The following FRMD4A variants were observed in gnomAD, a reference collection of about 807,000 sequenced individuals.
FRMD4A encodes FERM domain containing 4A.
In FRMD4A, 29 loss-of-function variants were observed where a neutral mutation model predicts 129.1. The ratio of observed to expected loss-of-function variants is 0.22; its 90% CI spans 0.17 to 0.31. The LOEUF is 0.31. Ranked by LOEUF, FRMD4A falls within the 10% of genes least tolerant of loss-of-function variation. The pLI, the probability that FRMD4A is intolerant of heterozygous loss-of-function variation, is 1.00. For missense variants in FRMD4A, 1,272 were observed against 1,375.8 expected (o/e 0.92, Z 1.19); for synonymous variants, 634 against 571.6 (o/e 1.11, Z -1.56).
rs144014913 is a variant in FRMD4A, at chr10:13,796,567, C to G, written c.228G>C (p.Gln76His). The change falls in exon 5 of 25, where the codon CAG becomes CAC. Residue 76 changes from glutamine (Q) to histidine (H), a missense_variant. Physicochemically the swap from Gln to His is conservative, Grantham distance 24. Around this residue, in one of 2 missense-constraint regions of FRMD4A, gnomAD observed 300 missense variants for 483.6 expected, o/e 0.62. Coordinates refer to ENST00000357447, the MANE Select transcript of FRMD4A (RefSeq NM_018027.5). ...CATGTTCCAATACTCTTCGATCTAG[C>G]TGAAGCCAGTTTAAGTGTCCCCTGA... is the stretch of plus-strand genomic sequence containing the variant. ...TDETGHLNWLQLDRRVLEHDF... is the reference protein window; with the variant it reads ...TDETGHLNWLHLDRRVLEHDF... The G allele has an allele frequency of 6.9e-6, 11 of 1,598,696 alleles. No individual in the cohort carries two copies. The highest frequency in any genetic ancestry group is 2.7e-5 in the African/African-American group (2 of 74,610).
chr10:14,181,374 G>A (rs1055515205), intron 2 of FRMD4A, among the ~76,000 whole-genome samples: 3 of 152,092 alleles, frequency 2.0e-5, no homozygotes, highest in African/African-American at 2.4e-5. Context: ...GCCCCAGATC[G>A]CTGCCCCGTG....
chr10:13,725,107 T>C (rs536920742), intron 12 of FRMD4A, among the ~76,000 whole-genome samples: 1 of 152,354 alleles, frequency 6.6e-6, no homozygotes, highest in South Asian at 2.1e-4. Flanking sequence ...CTTGCTTTAT[T>C]TACCTTGTTT....
intron 8 of FRMD4A, among the ~76,000 whole-genome samples, chr10:13,754,879 C>T (rs1434003336): frequency 1.3e-5 from 2 of 152,142 alleles, no homozygotes; most frequent in Non-Finnish European, 2.9e-5. Flanking sequence ...ACCATATGAT[C>T]ATGCCAGCTG....
chr10:13,825,209 CTT>C (rs2093684135), intron 3 of FRMD4A, among the ~76,000 whole-genome samples: 1 of 152,208 alleles, frequency 6.6e-6, no homozygotes, highest in South Asian at 2.1e-4. Context: ...TACACTTGCA[CTT>C]TGAGGCCATT....
chr10:13,807,575 T>C (rs920771615), intron 4 of FRMD4A, among the ~76,000 whole-genome samples: 3 of 152,212 alleles, frequency 2.0e-5, no homozygotes, highest in East Asian at 1.9e-4. Flanking sequence ...ATATTAAACA[T>C]TCTTGGGCAT....
chr10:14,127,980 T>TTTCTCTCTCTC (rs1564319427), intron 2 of FRMD4A, among the ~76,000 whole-genome samples: 1 of 19,356 alleles, frequency 5.2e-5, no homozygotes, highest in Non-Finnish European at 1.0e-4. Flanking sequence ...CTTTCTTTCC[T>TTTCTCTCTCTC]TCTCTCTCTC....
chr10:14,298,003 A>T (rs1846063882), intron 2 of FRMD4A, among the ~76,000 whole-genome samples: 1 of 152,228 alleles, frequency 6.6e-6, no homozygotes, highest in Non-Finnish European at 1.5e-5. Context: ...ATCAGAAACC[A>T]GCATGACCTG....
intron 2 of FRMD4A, among the ~76,000 whole-genome samples, chr10:14,275,616 T>G (rs1285962287): frequency 6.6e-6 from 1 of 152,242 alleles, no homozygotes; most frequent in Non-Finnish European, 1.5e-5. Context: ...GTTTTAAAGT[T>G]TTTTTCCTTT....
intron 3 of FRMD4A, among the ~76,000 whole-genome samples, chr10:13,834,628 A>G (rs1042478612): frequency 6.6e-6 from 1 of 152,220 alleles, no homozygotes; most frequent in African/African-American, 2.4e-5. Flanking sequence ...CAGAGGGAAG[A>G]CGAAATTGAT....
intron 4 of FRMD4A, among the ~76,000 whole-genome samples, chr10:13,808,993 A>G (rs1224098866): frequency 2.6e-5 from 4 of 152,112 alleles, no homozygotes; most frequent in Non-Finnish European, 5.9e-5. Flanking sequence ...ACGCACGCAC[A>G]CACGCATGCA....
intron 12 of FRMD4A, chr10:13,707,944 C>A (rs1397075651): frequency 4.4e-5 from 42 of 956,704 alleles, no homozygotes; most frequent in Non-Finnish European, 4.7e-5. Flanking sequence ...CATCCAATTG[C>A]TCCAGGAACG....
chr10:14,061,333 T>C (rs1834804067), intron 2 of FRMD4A, among the ~76,000 whole-genome samples: 1 of 152,022 alleles, frequency 6.6e-6, no homozygotes, highest in Non-Finnish European at 1.5e-5. Context: ...GCACCTGCAA[T>C]CCCAGCTACT....
chr10:13,858,392 G>T (rs1564923194), intron 3 of FRMD4A, among the ~76,000 whole-genome samples: 1 of 152,192 alleles, frequency 6.6e-6, no homozygotes, highest in African/African-American at 2.4e-5. Flanking sequence ...CTGAGATCGT[G>T]CCACTGCACT....
intron 2 of FRMD4A, among the ~76,000 whole-genome samples, chr10:13,910,031 A>G (rs1310774715): frequency 2.0e-5 from 3 of 152,242 alleles, no homozygotes; most frequent in African/African-American, 4.8e-5. Flanking sequence ...ATATGTTGTG[A>G]AACATTGTAA....
intron 3 of FRMD4A, among the ~76,000 whole-genome samples, chr10:13,833,732 C>T (rs1214347882): frequency 6.6e-6 from 1 of 151,954 alleles, no homozygotes; most frequent in African/African-American, 2.4e-5. Flanking sequence ...TTTACAAGAG[C>T]CCACTAATCT....
intron 2 of FRMD4A, among the ~76,000 whole-genome samples, chr10:14,135,402 G>T (rs1275955168): frequency 1.3e-5 from 2 of 152,184 alleles, no homozygotes; most frequent in Non-Finnish European, 2.9e-5. Flanking sequence ...AACCAATCCA[G>T]CTGTTTCCAT....
chr10:14,143,247 T>C (rs534060542), intron 2 of FRMD4A, among the ~76,000 whole-genome samples: 3 of 152,276 alleles, frequency 2.0e-5, no homozygotes, highest in African/African-American at 7.2e-5. Flanking sequence ...CACCAACAGA[T>C]GAACGAATAA....
chr10:13,940,668 T>C (rs1162963381), intron 2 of FRMD4A, among the ~76,000 whole-genome samples: 1 of 152,126 alleles, frequency 6.6e-6, no homozygotes, highest in Admixed American at 6.6e-5. Context: ...TCTGAAAGGA[T>C]TGAGGAATTG....
At chr10:14,065,199 A>C (rs1834998194) in intron 2 of FRMD4A, among the ~76,000 whole-genome samples, 1 of 151,666 alleles carries the variant, frequency 6.6e-6, no homozygotes. Flanking sequence ...TTCTTTTTTG[A>C]GAGATGGAGG....
Sources: allele counts gnomAD v4.1 joint callset (sites outside exome capture counted in the v4.1 genomes callset), GRCh38; gene constraint gnomAD v4.1.1; regional missense constraint gnomAD v4.1.1; transcripts MANE v1.5; gene names NCBI Gene and HGNC (gene_info 2026-07-23, HGNC 2026-07-21).